Variants in GPM6B observed in about 807,000 individuals in gnomAD.
GPM6B encodes the protein glycoprotein M6B, also known as neuronal membrane glycoprotein M6-b.
Under a neutral mutation model 27.2 loss-of-function variants are expected in GPM6B, and 4 were observed. The observed-to-expected ratio is 0.15, with a 90% confidence interval of 0.07 to 0.34. The LOEUF is 0.34. GPM6B is among the 10% of genes least tolerant of loss of function. GPM6B has a pLI of 1.00. For synonymous variants in GPM6B, 124 were observed against 103.1 expected (o/e 1.20, Z -1.23); for missense variants, 183 against 261.9 (o/e 0.70, Z 2.08).
At chrX:13,886,317 T>C (rs1317914067) in intron 1 of GPM6B, among the ~76,000 whole-genome samples, 2 of 111,840 alleles carry the variant, frequency 1.8e-5, no homozygotes, top group Non-Finnish European at 3.8e-5. Context: ...TGTAGGCTAC[T>C]ACATTTTTCT....
At chrX:13,936,542 C>T (rs1921849360) in intron 1 of GPM6B, among the ~76,000 whole-genome samples, 1 of 112,143 alleles carries the variant, frequency 8.9e-6, no homozygotes, top group Non-Finnish European at 1.9e-5. Flanking sequence ...AAAAATAAAA[C>T]CAGTTCATGG....
At chrX:13,890,009 A>AGC (rs1569288777) in intron 1 of GPM6B, among the ~76,000 whole-genome samples, 1 of 111,532 alleles carries the variant, frequency 9.0e-6, no homozygotes, top group African/African-American at 3.3e-5. Flanking sequence ...TGTGAACCAG[A>AGC]GCAACTCCAT....
chrX:13,895,475 G>A (rs141094629), intron 1 of GPM6B, among the ~76,000 whole-genome samples: 1 of 110,763 alleles, frequency 9.0e-6, no homozygotes, highest in East Asian at 2.8e-4. Context: ...CATATTCTGG[G>A]GAAAGAATTA....
chrX:13,786,468 C>G (rs749975632), intron 2 of GPM6B, among the ~76,000 whole-genome samples: 33 of 111,524 alleles, frequency 3.0e-4, no homozygotes, highest in Non-Finnish European at 5.3e-4. Flanking sequence ...TGGGTCTACT[C>G]AAGTTTCATT....
At chrX:13,794,221 G>A (rs1330232299) in intron 2 of GPM6B, among the ~76,000 whole-genome samples, 2 of 104,105 alleles carry the variant, frequency 1.9e-5, no homozygotes, top group African/African-American at 3.6e-5. Context: ...ATCTCACTCT[G>A]TTACCCAGGT....
intron 1 of GPM6B, among the ~76,000 whole-genome samples, chrX:13,904,609 T>C (rs2050311440): frequency 9.0e-6 from 1 of 111,370 alleles, no homozygotes; most frequent in South Asian, 3.8e-4. Context: ...GCTGCTTTTG[T>C]ACTACGACAA....
intron 1 of GPM6B, among the ~76,000 whole-genome samples, chrX:13,884,558 T>C (rs1304602349): frequency 8.9e-6 from 1 of 112,168 alleles, no homozygotes; most frequent in Non-Finnish European, 1.9e-5. Context: ...AAAGAGAAAA[T>C]GTTTTTAAGG....
At chrX:13,846,169 A>AC (rs1352182238) in intron 1 of GPM6B, among the ~76,000 whole-genome samples, 4 of 109,727 alleles carry the variant, frequency 3.6e-5, no homozygotes, top group African/African-American at 1.0e-4. Context: ...CCTTTTCCCT[A>AC]CTTCCATTTC....
At chrX:13,879,001 T>C (rs1011381058) in intron 1 of GPM6B, among the ~76,000 whole-genome samples, 2 of 112,164 alleles carry the variant, frequency 1.8e-5, no homozygotes, top group Non-Finnish European at 3.8e-5. Context: ...TTTAGCCCAG[T>C]GAGACCTGCG....
At chrX:13,913,142 C>CTG (rs952656836) in intron 1 of GPM6B, among the ~76,000 whole-genome samples, 4 of 111,372 alleles carry the variant, frequency 3.6e-5, no homozygotes, top group African/African-American at 1.3e-4. Context: ...TCTTCCCTGT[C>CTG]TGTCTGTCTG....
intron 5 of GPM6B, among the ~76,000 whole-genome samples, chrX:13,777,826 G>A (rs1280797808): frequency 8.9e-6 from 1 of 111,781 alleles, no homozygotes; most frequent in East Asian, 2.8e-4. Context: ...TGAATGCTGT[G>A]GTCTGTGGCC....
chrX:13,780,075 C>T (rs2048488399), intron 4 of GPM6B, 86 bp from the exon 5 acceptor site: 5 of 769,492 alleles, frequency 6.5e-6, no homozygotes, highest in Non-Finnish European at 9.2e-6. Flanking sequence ...ATTTTCAGGC[C>T]CAATACTGAC....
At chrX:13,811,945 C>T (rs1317084497) in intron 1 of GPM6B, among the ~76,000 whole-genome samples, 3 of 110,852 alleles carry the variant, frequency 2.7e-5, no homozygotes, top group African/African-American at 9.9e-5. Flanking sequence ...TATACTACCC[C>T]TAATGGTCCC....
chrX:13,809,551 G>A (rs182589150), intron 1 of GPM6B, among the ~76,000 whole-genome samples: 4 of 111,095 alleles, frequency 3.6e-5, no homozygotes, highest in Admixed American at 1.9e-4. Context: ...CAAGGCGGGC[G>A]GATCACTTGA....
At chrX:13,802,552 TTA>T (rs10645553) in intron 2 of GPM6B, among the ~76,000 whole-genome samples, 13 of 106,011 alleles carry the variant, frequency 1.2e-4, no homozygotes, top group Non-Finnish European at 1.9e-4. Flanking sequence ...ATAAATTATT[TTA>T]TATATATATA....
intron 1 of GPM6B, among the ~76,000 whole-genome samples, chrX:13,892,776 C>A (rs1411919568): frequency 8.9e-6 from 1 of 111,802 alleles, no homozygotes; most frequent in Non-Finnish European, 1.9e-5. Context: ...AAGCTCTTTG[C>A]AAATAACAAA....
chrX:13,782,681 G>A (rs989367986), intron 4 of GPM6B, among the ~76,000 whole-genome samples: 3 of 106,119 alleles, frequency 2.8e-5, no homozygotes, highest in Admixed American at 1.0e-4. Flanking sequence ...GCTTGAACCC[G>A]GGAGGCAGAG....
chrX:13,809,952 GA>G (rs113730315), intron 1 of GPM6B, among the ~76,000 whole-genome samples: 22,575 of 80,039 alleles, frequency 0.28, 3,026 homozygotes, highest in Non-Finnish European at 0.35. Context: ...TCCATCTCAG[GA>G]AAAAAAAAAA....
chrX:13,779,916 A>G lies in GPM6B; in HGVS notation c.599T>C (p.Met200Thr), dbSNP rs751977836. 4 of 1,203,495 alleles carry G rather than the reference A, an allele frequency of 3.3e-6. No individual in the cohort carries two copies. In the South Asian group the frequency reaches 7.2e-5, roughly 22 times the overall value. The change falls in exon 5 of 8, where the codon ATG (methionine) becomes ACG (threonine). Residue 200 changes from methionine to threonine, a missense_variant. Physicochemically the swap from Met to Thr is moderately conservative, Grantham distance 81. Transcript: ENST00000316715. ...ACAAGTTGACCATATGTTGTAGAAC[A>G]TAAACACGGGCACCGCTGAGAAACC... ...VFGFSAVPVF[M>T]FYNIWSTCEV...
Sources: allele counts gnomAD v4.1 joint callset (sites outside exome capture counted in the v4.1 genomes callset), GRCh38; gene constraint gnomAD v4.1.1; transcripts MANE v1.5; gene names NCBI Gene and HGNC (gene_info 2026-07-23, HGNC 2026-07-21).